Variants in TTLL6 observed in about 807,000 individuals in gnomAD.
TTLL6 encodes the protein tubulin tyrosine ligase like 6.
A neutral mutation model predicts 96.4 loss-of-function variants in TTLL6; 75 were observed. The ratio of observed to expected loss-of-function variants is 0.78; its 90% confidence interval spans 0.65 to 0.94. The LOEUF is 0.94. Among genes scored for constraint, TTLL6 ranks in the 40% least tolerant of loss-of-function variants. The pLI, the probability that TTLL6 is intolerant of heterozygous loss-of-function variation, is 0.00. For missense variants in TTLL6, 1,030 were observed against 1,093.0 expected, an observed-to-expected ratio of 0.94 and a Z score of 0.81; for synonymous variants, 411 against 419.4, an observed-to-expected ratio of 0.98 and a Z score of 0.24.
chr17:48,769,959 T>C lies in TTLL6; in HGVS notation c.2179A>G (p.Lys727Glu), dbSNP rs2038703550. 6.2e-7 allele frequency: 1 copy of C among 1,614,190 alleles called. No homozygotes were observed. Among genetic ancestry groups the C allele is most frequent in the Non-Finnish European group, 8.5e-7 (1 of 1,180,052 alleles). ...AAGTGTGGAGGGGTCTGCTGCTTCT[T>C]GCATTTAAAGGATACCACCCTGTCC... ...ETDRVVSFKC[K>E]KQQTPPHLTQ... Residue 727 changes from lysine (K) to glutamate (E), a missense_variant, in exon 14 of 16, where the codon AAG (lysine) becomes GAG (glutamate). Physicochemically the swap from Lys to Glu is moderately conservative, Grantham distance 56. Transcript: ENST00000393382.
intron 13 of TTLL6, among the ~76,000 whole-genome samples, chr17:48,778,340 GA>G (rs1235676985): frequency 0.022 from 1,667 of 76,748 alleles, 38 homozygotes; most frequent in African/African-American, 0.078. Context: ...AGGGAGAAAG[GA>G]AGGAAGGAAG....
chr17:48,762,497 G>A lies in TTLL6; in HGVS notation c.*477C>T, dbSNP rs2038508731. 1 of 153,402 alleles carries A rather than the reference G, an allele frequency of 6.5e-6. No homozygotes were observed. Among genetic ancestry groups the A allele is most frequent in the Non-Finnish European group, 1.4e-5 (1 of 69,000 alleles). 9.5% of individuals were successfully genotyped at this position (153,402 alleles called of 1,614,324 possible). ...CAGCTGCCTCAGTTCTCTCACTCAG[G>A]GCTCAGAGTTATGCACCATGCCCAT... is the stretch of plus-strand genomic sequence containing the variant. On this transcript the variant is annotated 3_prime_UTR_variant, in exon 16 of 16. Coordinates refer to ENST00000393382, the MANE Select transcript of TTLL6 (RefSeq NM_001130918.3).
intron 3 of TTLL6, among the ~76,000 whole-genome samples, chr17:48,803,344 A>C (rs907498649): frequency 6.6e-6 from 1 of 151,742 alleles, no homozygotes; most frequent in African/African-American, 2.4e-5. Flanking sequence ...GAAATACAAA[A>C]ATTTAGCCGG....
At chr17:48,786,411 G>C in intron 11 of TTLL6, 76 bp from the exon 12 acceptor site, 1 of 1,579,918 alleles carries the variant, frequency 6.3e-7, no homozygotes, top group Non-Finnish European at 8.7e-7. Flanking sequence ...TTGAGGGATG[G>C]ACATGACTGG....
In TTLL6 at chr17:48,791,509, T is replaced by A. The variant is rs1313767107; in HGVS notation, c.1093A>T (p.Ile365Phe). ...DIEDVIIKTL[I>F]SAHPIIRHNY... ...TGCCTGATGATGGGGTGGGCCGAGATGAGGGTCTTGATGATGACGTCCTCA... is the reference window on the plus strand; with the variant it reads ...TGCCTGATGATGGGGTGGGCCGAGAAGAGGGTCTTGATGATGACGTCCTCA... The change falls in exon 9 of 16, where the codon ATC (isoleucine) becomes TTC (phenylalanine). Residue 365 changes from isoleucine to phenylalanine, a missense_variant. Physicochemically the swap from Ile to Phe is conservative, Grantham distance 21. Coordinates refer to ENST00000393382, the MANE Select transcript of TTLL6 (RefSeq NM_001130918.3). 1 of 1,614,184 alleles carries A rather than the reference T, an allele frequency of 6.2e-7. No homozygotes were observed. Among genetic ancestry groups the A allele is most frequent in the East Asian group, 2.2e-5 (1 of 44,878 alleles).
At chr17:48,810,899 G>T (rs1051708925) in intron 1 of TTLL6, among the ~76,000 whole-genome samples, 4 of 139,160 alleles carry the variant, frequency 2.9e-5, no homozygotes, top group Non-Finnish European at 6.1e-5. Flanking sequence ...ACTAGAAAAT[G>T]CAGATTTCCA....
At chr17:48,804,186 A>G (rs1310799110) in intron 2 of TTLL6, 1 of 578,650 alleles carries the variant, frequency 1.7e-6, no homozygotes, top group African/African-American at 1.9e-5. Context: ...TCTTGCTTGC[A>G]GCTTCTCACT....
chr17:48,812,824 A>G (rs1357298595), intron 1 of TTLL6, among the ~76,000 whole-genome samples: 2 of 152,234 alleles, frequency 1.3e-5, no homozygotes, highest in Non-Finnish European at 2.9e-5. Context: ...TTCCTTAGCT[A>G]TATAACAGAA....
At chr17:48,812,064 A>ACCCCCCCCCCCCCCCCCC (rs56757071) in intron 1 of TTLL6, 16 of 76,136 alleles carry the variant, frequency 2.1e-4, no homozygotes, top group African/African-American at 3.9e-4. Context: ...TGATGCTGGG[A>ACCCCCCCCCCCCCCCCCC]CCCCCCCCCC....
chr17:48,767,018 G>A (rs2038628362), intron 15 of TTLL6, among the ~76,000 whole-genome samples: 1 of 152,040 alleles, frequency 6.6e-6, no homozygotes, highest in African/African-American at 2.4e-5. Flanking sequence ...GCGTGATCTC[G>A]GCTCACCACA....
chr17:48,812,035 G>C (rs1197037087), intron 1 of TTLL6: 1 of 145,554 alleles, frequency 6.9e-6, no homozygotes, highest in Admixed American at 6.9e-5. Flanking sequence ...TTCAGAATAA[G>C]AATTAAATCT....
At chr17:48,807,908 G>C (rs1047448547) in intron 1 of TTLL6, among the ~76,000 whole-genome samples, 2 of 151,902 alleles carry the variant, frequency 1.3e-5, no homozygotes, top group African/African-American at 4.8e-5. Flanking sequence ...GCGCGGTCTC[G>C]GCTCACTGCA....
intron 1 of TTLL6, among the ~76,000 whole-genome samples, chr17:48,810,825 G>GTATATA (rs1555569643): frequency 0.015 from 1,295 of 84,274 alleles, 41 homozygotes; most frequent in Middle Eastern, 0.062. Flanking sequence ...GTATGTGTGT[G>GTATATA]TATATATATA....
chr17:48,784,007 C>A (rs562033051), intron 13 of TTLL6, among the ~76,000 whole-genome samples: 1 of 152,068 alleles, frequency 6.6e-6, no homozygotes, highest in African/African-American at 2.4e-5. Flanking sequence ...CAGAATGTGA[C>A]CTTATTTGGA....
intron 15 of TTLL6, among the ~76,000 whole-genome samples, chr17:48,767,961 A>G (rs766598847): frequency 4.6e-5 from 7 of 152,208 alleles, no homozygotes; most frequent in Non-Finnish European, 8.8e-5. Context: ...AAATCAACCC[A>G]TTATGGTTGA....
At chr17:48,810,677 A>C (rs1267197248) in intron 1 of TTLL6, among the ~76,000 whole-genome samples, 2 of 151,850 alleles carry the variant, frequency 1.3e-5, no homozygotes, top group African/African-American at 2.4e-5. Context: ...GCTGGGCAAC[A>C]GTGAGACCCT....
intron 13 of TTLL6, among the ~76,000 whole-genome samples, chr17:48,783,987 T>A (rs2039038416): frequency 1.3e-5 from 2 of 152,192 alleles, no homozygotes; most frequent in Admixed American, 1.3e-4. Flanking sequence ...TCCAATTGGA[T>A]AGAACCTCTC....
intron 13 of TTLL6, among the ~76,000 whole-genome samples, chr17:48,774,945 C>T (rs2038841388): frequency 6.6e-6 from 1 of 151,896 alleles, no homozygotes; most frequent in Admixed American, 6.6e-5. Context: ...CCAGCCTGGC[C>T]AACATGGTGA....
rs536260089 is a variant in TTLL6 at position 48,801,641 on chromosome 17, G to T, written c.364C>A (p.Arg122Ser). Residue 122 changes from arginine to serine, a missense_variant and splice_region_variant, in exon 4 of 16, where the codon CGC becomes AGC. Physicochemically the swap from Arg to Ser is moderately radical, Grantham distance 110. Coordinates refer to ENST00000393382, the MANE Select transcript of TTLL6 (RefSeq NM_001130918.3). Reference protein sequence around the residue: ...NLSSCRYESVRRAAQQYGFRE... With the variant: ...NLSSCRYESVSRAAQQYGFRE... ...AAGCCGTACTGTTGGGCAGCCCTGC[G>T]CACTATTGAAGAAAGAAAGGCCTAT... 3.9e-6 allele frequency: 6 copies of T among 1,550,868 alleles called. No homozygotes were observed. In the South Asian group the frequency reaches 7.1e-5, roughly 18 times the overall value.
Sources: allele counts gnomAD v4.1 joint callset (sites outside exome capture counted in the v4.1 genomes callset), GRCh38; gene constraint gnomAD v4.1.1; transcripts MANE v1.5; gene names NCBI Gene and HGNC (gene_info 2026-07-23, HGNC 2026-07-21).